The following PKHD1 variants were observed in gnomAD, a reference collection of about 807,000 sequenced individuals.
PKHD1 encodes PKHD1 ciliary IPT domain containing fibrocystin/polyductin.
PKHD1 carries 291 observed loss-of-function variants against 412.0 expected under a neutral mutation model. That is an observed-to-expected ratio of 0.71 (90% CI 0.64 to 0.78). The LOEUF (loss-of-function observed/expected upper bound fraction) is 0.78. PKHD1 is among the 30% of genes least tolerant of loss of function. PKHD1 has a pLI of 0.00. For missense variants in PKHD1, 4,825 were observed against 4,950.7 expected (o/e 0.97, Z 0.76); for synonymous variants, 1,777 against 1,821.5 (o/e 0.98, Z 0.62).
chr6:51,671,540 T>C (rs1302395758), intron 60 of PKHD1, among the ~76,000 whole-genome samples: 1 of 152,244 alleles, frequency 6.6e-6, no homozygotes, highest in Non-Finnish European at 1.5e-5. Flanking sequence ...AGCCTTCTTC[T>C]CTCAGCTCGT....
chr6:51,780,519 T>C (rs1194793317), intron 53 of PKHD1, among the ~76,000 whole-genome samples: 1 of 151,900 alleles, frequency 6.6e-6, no homozygotes, highest in Non-Finnish European at 1.5e-5. Context: ...AACAGGTACA[T>C]TCATCATTAA....
chr6:52,082,276 A>T (rs1264987067), intron 4 of PKHD1, 116 bp downstream of exon 4: 1 of 1,043,144 alleles, frequency 9.6e-7, no homozygotes, highest in Non-Finnish European at 1.5e-6. Flanking sequence ...TTTTTTTAAC[A>T]ACTATGGCTG....
At chr6:51,923,985 C>A (rs1187683405) in intron 37 of PKHD1, among the ~76,000 whole-genome samples, 16 of 152,150 alleles carry the variant, frequency 1.1e-4, no homozygotes. Context: ...AAGTAACGAT[C>A]CCAGTCTTTC....
chr6:51,896,154 G>A (rs1779931674), intron 43 of PKHD1, among the ~76,000 whole-genome samples: 1 of 152,182 alleles, frequency 6.6e-6, no homozygotes, highest in African/African-American at 2.4e-5. Flanking sequence ...CTCGAACTGG[G>A]TGGAGCCCAC....
Position 51,687,882 on chromosome 6 carries a change from T to C in PKHD1, c.10157-27913A>G, listed in dbSNP as rs1022609320. Among the ~76,000 whole-genome samples the C allele has an allele frequency of 9.3e-5, 14 of 151,010 alleles. No homozygotes were observed. In the Middle Eastern group the frequency reaches 0.01, roughly 110 times the overall value. On this transcript the variant is annotated intron_variant, in intron 60 of 66. Coordinates refer to ENST00000371117, the MANE Select transcript of PKHD1 (RefSeq NM_138694.4). ...CAAAGAGATCCTAAAATTATTTTCA[T>C]ATTTTCAAACGATGTGGATTAATAC...
At chr6:51,953,923 C>G (rs1457453937) in intron 36 of PKHD1, among the ~76,000 whole-genome samples, 2 of 152,020 alleles carry the variant, frequency 1.3e-5, no homozygotes, top group Non-Finnish European at 2.9e-5. Context: ...ACTTCTCCAT[C>G]CGTCCCTCCC....
chr6:52,065,156 T>TAGAGAGAGAG (rs1279136631), intron 12 of PKHD1, 106 bp from the exon 13 acceptor site: 2 of 76,180 alleles, frequency 2.6e-5, no homozygotes, highest in Admixed American at 1.6e-4. Flanking sequence ...TATATATATA[T>TAGAGAGAGAG]ATATATATAT....
intron 35 of PKHD1, among the ~76,000 whole-genome samples, chr6:51,987,735 T>C (rs1308452085): frequency 6.6e-6 from 1 of 151,716 alleles, no homozygotes; most frequent in Non-Finnish European, 1.5e-5. Context: ...CTAAGACCTT[T>C]TTTTTTTTTT....
At chr6:52,049,998 A>G (rs2128195859) in intron 22 of PKHD1, among the ~76,000 whole-genome samples, 159 bp downstream of exon 22, 1 of 152,352 alleles carries the variant, frequency 6.6e-6, no homozygotes, top group African/African-American at 2.4e-5. Context: ...TAATTTTAAC[A>G]ATACTTCCAG....
chr6:52,012,107 C>T (rs1799905837), intron 34 of PKHD1, among the ~76,000 whole-genome samples: 1 of 152,154 alleles, frequency 6.6e-6, no homozygotes, highest in Admixed American at 6.5e-5. Context: ...ATCTGAATCC[C>T]GGGGCAGATG....
intron 33 of PKHD1, among the ~76,000 whole-genome samples, chr6:52,019,286 C>T (rs966451468): frequency 4.6e-5 from 7 of 152,156 alleles, no homozygotes; most frequent in Non-Finnish European, 7.4e-5. Context: ...AGTGCTGTGG[C>T]AAGGGTTACA....
intron 60 of PKHD1, among the ~76,000 whole-genome samples, chr6:51,743,261 G>T (rs1366986760): frequency 2.6e-5 from 4 of 152,164 alleles, no homozygotes; most frequent in African/African-American, 9.7e-5. Context: ...GTAGTAAAGG[G>T]AATGGTGAGG....
intron 52 of PKHD1, among the ~76,000 whole-genome samples, chr6:51,817,348 A>G (rs1582859325): frequency 6.6e-6 from 1 of 151,124 alleles, no homozygotes. Flanking sequence ...AAAAAATGCT[A>G]TTGTGGTGAA....
intron 43 of PKHD1, among the ~76,000 whole-genome samples, chr6:51,895,954 T>A (rs1779869512): frequency 6.6e-6 from 1 of 152,102 alleles, no homozygotes; most frequent in African/African-American, 2.4e-5. Flanking sequence ...ACTGCGCTTT[T>A]CCGACGGGCT....
At chr6:51,747,283 A>T (rs540642251) in intron 58 of PKHD1, among the ~76,000 whole-genome samples, 1 of 152,276 alleles carries the variant, frequency 6.6e-6, no homozygotes, top group Admixed American at 6.5e-5. Context: ...TTTGATTTTA[A>T]CCCTCGTTGC....
At position 52,055,601 on chromosome 6, in the gene PKHD1, C is replaced by G. The variant is rs200419565; in HGVS notation, c.1822G>C (p.Asp608His). 1.2e-6 allele frequency: 2 copies of G among 1,612,530 alleles called. No homozygotes were observed. Among genetic ancestry groups the G allele is most frequent in the South Asian group, 1.1e-5 (1 of 91,068 alleles). The change falls in exon 19 of 67, where the codon GAT becomes CAT. Residue 608 changes from aspartate to histidine, a missense_variant. Coordinates refer to ENST00000371117, the MANE Select transcript of PKHD1 (RefSeq NM_138694.4). ...CTGCTACTCACGTGTGTATACTGAT[C>G]TAGCCGATAGCCCTTCTGGGCAGCC... The part of the protein sequence containing the change: ...PPAAQKGYRL[D>H]QYTHLCLAYK...
chr6:51,906,187 A>C (rs1177877531), intron 41 of PKHD1, 28 bp downstream of exon 41: 2 of 1,598,386 alleles, frequency 1.3e-6, no homozygotes, highest in Admixed American at 1.7e-5. Context: ...ACAAGAATGC[A>C]GAAATTCAAC....
chr6:51,760,090 A>G (rs1787739036), intron 55 of PKHD1, among the ~76,000 whole-genome samples: 1 of 152,150 alleles, frequency 6.6e-6, no homozygotes, highest in Non-Finnish European at 1.5e-5. Context: ...TAAGGCCACC[A>G]ACTCTATATT....
At chr6:51,753,094 T>TTGAAATGAAATAAA in intron 57 of PKHD1, 107 bp downstream of exon 57, 2 of 988,176 alleles carry the variant, frequency 2.0e-6, no homozygotes, top group Non-Finnish European at 3.2e-6. Flanking sequence ...ACTATCTCAT[T>TTGAAATGAAATAAA]TGAACATTTT....
Sources: allele counts gnomAD v4.1 joint callset (sites outside exome capture counted in the v4.1 genomes callset), GRCh38; gene constraint gnomAD v4.1.1; transcripts MANE v1.5; gene names NCBI Gene and HGNC (gene_info 2026-07-23, HGNC 2026-07-21).